SRGAP1: variants seen among roughly 807,000 people sequenced by gnomAD.
SRGAP1 encodes the protein SLIT-ROBO Rho GTPase-activating protein 1.
In SRGAP1, 43 loss-of-function variants were observed where a neutral mutation model predicts 121.9. The ratio of observed to expected loss-of-function variants is 0.35; its 90% confidence interval spans 0.28 to 0.46. The LOEUF is 0.46. Ranked by LOEUF, SRGAP1 falls within the 20% of genes least tolerant of loss-of-function variation. The probability of loss-of-function intolerance (pLI) is 1.00; values close to 1 mark genes in which losing one functional copy is unlikely to be tolerated. For missense variants in SRGAP1, 1,102 were observed against 1,350.9 expected (o/e 0.82, Z 2.89); for synonymous variants, 447 against 485.4 (o/e 0.92, Z 1.04).
intron 1 of SRGAP1, among the ~76,000 whole-genome samples, chr12:63,845,363 A>G (rs145666100): frequency 4.6e-5 from 7 of 152,254 alleles, no homozygotes; most frequent in African/African-American, 1.7e-4. Flanking sequence ...CCACTCACCT[A>G]TTTACACCGC....
chr12:63,885,932 G>A (rs1900366622), intron 1 of SRGAP1, among the ~76,000 whole-genome samples: 1 of 152,144 alleles, frequency 6.6e-6, no homozygotes, highest in African/African-American at 2.4e-5. Context: ...GGGAAGAAAA[G>A]CATTTTGCTA....
chr12:64,032,289 C>T (rs1024755280), intron 4 of SRGAP1: 4 of 309,692 alleles, frequency 1.3e-5, no homozygotes, highest in South Asian at 6.8e-5. Context: ...CTAAACTTGC[C>T]GAGGTTCCAT....
chr12:63,976,967 A>G (rs1297367234), intron 1 of SRGAP1, among the ~76,000 whole-genome samples: 1 of 152,160 alleles, frequency 6.6e-6, no homozygotes, highest in Non-Finnish European at 1.5e-5. Flanking sequence ...TAAGAGAAGC[A>G]TAAATCTTGG....
intron 1 of SRGAP1, among the ~76,000 whole-genome samples, chr12:63,878,012 T>C (rs1900082863): frequency 6.6e-6 from 1 of 152,222 alleles, no homozygotes; most frequent in South Asian, 2.1e-4. Context: ...TTTGGGAGAA[T>C]TAGCTGGACA....
intron 3 of SRGAP1, among the ~76,000 whole-genome samples, chr12:64,012,934 C>T (rs1427653712): frequency 1.3e-5 from 2 of 152,004 alleles, no homozygotes; most frequent in Admixed American, 1.3e-4. Context: ...GACAAGGTTT[C>T]ACTGTGTTGC....
At chr12:64,031,175 G>A (rs1373791868) in intron 4 of SRGAP1, among the ~76,000 whole-genome samples, 7 of 151,806 alleles carry the variant, frequency 4.6e-5, no homozygotes, top group Admixed American at 1.3e-4. Context: ...AAAGTTAGCC[G>A]GGTGTGGTGG....
intron 1 of SRGAP1, among the ~76,000 whole-genome samples, chr12:63,892,029 G>A (rs1900603433): frequency 1.3e-5 from 2 of 150,674 alleles, no homozygotes; most frequent in Non-Finnish European, 3.0e-5. Flanking sequence ...AGAGATGAAG[G>A]TCGTAGAAAA....
chr12:63,987,754 A>G (rs994041260), intron 2 of SRGAP1, among the ~76,000 whole-genome samples: 4 of 152,210 alleles, frequency 2.6e-5, no homozygotes, highest in African/African-American at 9.6e-5. Flanking sequence ...AGAAGATACA[A>G]AGAATCTCTG....
At chr12:64,077,415 G>A (rs1419970393) in intron 8 of SRGAP1, among the ~76,000 whole-genome samples, 1 of 150,902 alleles carries the variant, frequency 6.6e-6, no homozygotes, top group African/African-American at 2.4e-5. Context: ...ATACATGGGT[G>A]ATGCTAAGTG....
intron 1 of SRGAP1, among the ~76,000 whole-genome samples, chr12:63,919,691 T>C (rs1013674743): frequency 6.6e-6 from 1 of 151,716 alleles, no homozygotes; most frequent in African/African-American, 2.4e-5. Flanking sequence ...TACTTCCTAA[T>C]TTTTTTCTTT....
In SRGAP1 at chr12:64,041,075, A is replaced by G. The variant is rs920696620; in HGVS notation, c.490-1715A>G. On this transcript the variant is annotated intron_variant, in intron 4 of 21. Coordinates refer to ENST00000355086, the MANE Select transcript of SRGAP1 (RefSeq NM_020762.4). ...AAATTTATTAAAATTCAAATTACAT[A>G]TATCATTTCTAAGAGAATAAATTAG... Among the ~76,000 whole-genome samples the G allele has an allele frequency of 4.3e-4, 65 of 152,170 alleles. 1 individual carries two copies. Among genetic ancestry groups the G allele is most frequent in the Non-Finnish European group, 8.2e-4 (56 of 68,014 alleles).
chr12:64,019,071 C>T (rs2034480540), intron 4 of SRGAP1, among the ~76,000 whole-genome samples: 1 of 152,160 alleles, frequency 6.6e-6, no homozygotes. Context: ...GTCATGCCAT[C>T]TTGGGTTAGA....
intron 2 of SRGAP1, among the ~76,000 whole-genome samples, chr12:63,988,558 A>G (rs12312286): frequency 0.014 from 2,145 of 152,176 alleles, 66 homozygotes; most frequent in African/African-American, 0.048. Context: ...TCCATTGTCT[A>G]CTTTCATTTT....
At chr12:63,934,654 C>A (rs930367620) in intron 1 of SRGAP1, among the ~76,000 whole-genome samples, 3 of 152,250 alleles carry the variant, frequency 2.0e-5, no homozygotes, top group South Asian at 4.1e-4. Context: ...AACCACCACC[C>A]CCCCCAACAA....
At chr12:63,950,314 C>T (rs2032245791) in intron 1 of SRGAP1, among the ~76,000 whole-genome samples, 2 of 152,190 alleles carry the variant, frequency 1.3e-5, no homozygotes, top group Admixed American at 1.3e-4. Context: ...TTCTTGCTCA[C>T]TAGTAATCCT....
chr12:63,977,002 A>G (rs959650640), intron 1 of SRGAP1, among the ~76,000 whole-genome samples: 1 of 152,060 alleles, frequency 6.6e-6, no homozygotes, highest in Non-Finnish European at 1.5e-5. Flanking sequence ...TGAAGTGGAG[A>G]AATTGCCTTT....
At chr12:63,853,540 A>T (rs1899144422) in intron 1 of SRGAP1, among the ~76,000 whole-genome samples, 1 of 152,202 alleles carries the variant, frequency 6.6e-6, no homozygotes. Context: ...ATAATTGAAG[A>T]AAGACTGTAA....
At chr12:64,003,404 A>G (rs1020623376) in intron 3 of SRGAP1, among the ~76,000 whole-genome samples, 1 of 151,684 alleles carries the variant, frequency 6.6e-6, no homozygotes, top group African/African-American at 2.4e-5. Context: ...CTTTTAATAA[A>G]GCAACCACGA....
chr12:63,977,174 G>A (rs2033117920), intron 1 of SRGAP1, among the ~76,000 whole-genome samples: 2 of 152,138 alleles, frequency 1.3e-5, no homozygotes, highest in Non-Finnish European at 2.9e-5. Context: ...TGAGCTGTGA[G>A]CATGGGAATA....
Sources: allele counts gnomAD v4.1 joint callset (sites outside exome capture counted in the v4.1 genomes callset), GRCh38; gene constraint gnomAD v4.1.1; transcripts MANE v1.5; gene names NCBI Gene and HGNC (gene_info 2026-07-23, HGNC 2026-07-21).